The following TTC27 variants were observed in gnomAD, a reference collection of about 807,000 sequenced individuals.
TTC27 encodes tetratricopeptide repeat domain 27.
TTC27 carries 79 observed loss-of-function variants against 115.9 expected under a neutral mutation model. That is an observed-to-expected ratio of 0.68 (90% confidence interval 0.57 to 0.82). TTC27 has a LOEUF of 0.82. TTC27 is among the 40% of genes least tolerant of loss of function. The pLI is 0.00. For synonymous variants in TTC27, 401 were observed against 356.0 expected (o/e 1.13, Z -1.42); for missense variants, 1,054 against 993.1 (o/e 1.06, Z -0.82).
chr2:32,726,144 C>A (rs1668102464), intron 10 of TTC27, among the ~76,000 whole-genome samples: 1 of 152,218 alleles, frequency 6.6e-6, no homozygotes, highest in South Asian at 2.1e-4. Flanking sequence ...GCTGTGAAGA[C>A]CCCTTTCGCC....
At chr2:32,656,639 A>G (rs1389079564) in intron 5 of TTC27, among the ~76,000 whole-genome samples, 1 of 152,146 alleles carries the variant, frequency 6.6e-6, no homozygotes, top group Admixed American at 6.6e-5. Context: ...CTCCGAGGAT[A>G]TTATTTGAGC....
At chr2:32,810,401 G>A (rs1671281475) in intron 16 of TTC27, among the ~76,000 whole-genome samples, 1 of 152,140 alleles carries the variant, frequency 6.6e-6, no homozygotes, top group Non-Finnish European at 1.5e-5. Context: ...ACATTGGGAA[G>A]GTTGAAAATC....
intron 8 of TTC27, among the ~76,000 whole-genome samples, chr2:32,675,517 G>A (rs1222837269): frequency 2.0e-5 from 3 of 151,978 alleles, no homozygotes; most frequent in African/African-American, 7.2e-5. Context: ...TGATTTCACC[G>A]GCAGTTTAAC....
intron 3 of TTC27, 21 bp from the exon 4 acceptor site, chr2:32,640,249 A>G: frequency 1.2e-6 from 2 of 1,602,446 alleles, no homozygotes; most frequent in Non-Finnish European, 1.7e-6. Context: ...ATATCATCTT[A>G]GTTTATAATC....
chr2:32,653,138 T>C (rs748096502), intron 5 of TTC27, among the ~76,000 whole-genome samples: 4 of 152,206 alleles, frequency 2.6e-5, no homozygotes, highest in African/African-American at 7.2e-5. Flanking sequence ...GAAAACATGT[T>C]ATGTATAGTG....
At chr2:32,766,399 C>CT (rs1291386927) in intron 13 of TTC27, 4 of 284,434 alleles carry the variant, frequency 1.4e-5, no homozygotes, top group Non-Finnish European at 2.2e-5. Context: ...GTGACTCTTC[C>CT]TTTTACTTGA....
chr2:32,696,426 A>G (rs1002741003), intron 9 of TTC27, among the ~76,000 whole-genome samples: 2 of 151,468 alleles, frequency 1.3e-5, no homozygotes, highest in African/African-American at 4.9e-5. Context: ...GGTAGCTGGG[A>G]TTCCAGGTGC....
chr2:32,747,592 G>T (rs1329043928), intron 12 of TTC27, among the ~76,000 whole-genome samples: 1 of 152,148 alleles, frequency 6.6e-6, no homozygotes, highest in African/African-American at 2.4e-5. Flanking sequence ...TTGTATGTCA[G>T]ACCATCGTTA....
Position 32,667,662 on chromosome 2 carries a change from C to T in TTC27, c.939+894C>T, listed in dbSNP as rs552817515. On this transcript the variant is annotated intron_variant, in intron 7 of 19. Transcript: ENST00000317907. The stretch of plus-strand genomic sequence containing the variant: ...AACTCGCAACCTCAGGTGATCCACC[C>T]GTCTCGGCCTCCCAAAGTGCTGGGA... Among the ~76,000 whole-genome samples, 349 of 151,222 alleles carry T rather than the reference C, an allele frequency of 2.3e-3. 4 individuals are homozygous for T. The highest frequency in any genetic ancestry group is 2.2e-3 in the Admixed American group (33 of 15,208).
rs112627303 is a variant in TTC27 at position 32,696,997 on chromosome 2, G to A, written c.1120-5810G>A. 9.3e-3 allele frequency among the ~76,000 whole-genome samples: 1,422 copies of A among 152,174 alleles called. 12 individuals carry two copies. Among genetic ancestry groups the A allele is most frequent in the Middle Eastern group, 0.017 (5 of 294 alleles). On this transcript the variant is annotated intron_variant, in intron 9 of 19. Transcript: ENST00000317907. ...GCTCATTGCTTGAGCCCAGGAGTTCGAGACCCGCCTGGGTGAAACCCTGTC... is the reference window on the plus strand; with the variant it reads ...GCTCATTGCTTGAGCCCAGGAGTTCAAGACCCGCCTGGGTGAAACCCTGTC...
chr2:32,777,529 G>A (rs182454212), intron 13 of TTC27, among the ~76,000 whole-genome samples: 64 of 152,306 alleles, frequency 4.2e-4, no homozygotes, highest in African/African-American at 1.5e-3. Context: ...TACATGTTCA[G>A]TAGAGATGCA....
chr2:32,667,642 G>A (rs953849730), intron 7 of TTC27, among the ~76,000 whole-genome samples: 7 of 150,776 alleles, frequency 4.6e-5, no homozygotes, highest in African/African-American at 1.5e-4. Flanking sequence ...TCTCGAACTC[G>A]CAACCTCAGG....
At chr2:32,762,913 T>G (rs1669497141) in intron 13 of TTC27, among the ~76,000 whole-genome samples, 2 of 152,220 alleles carry the variant, frequency 1.3e-5, no homozygotes, top group African/African-American at 2.4e-5. Context: ...GTGCTGGGAT[T>G]ACAGGCGTGA....
At chr2:32,646,110 C>A (rs1282132957) in intron 4 of TTC27, among the ~76,000 whole-genome samples, 2 of 151,586 alleles carry the variant, frequency 1.3e-5, no homozygotes, top group African/African-American at 2.4e-5. Context: ...CTCCCTGCAA[C>A]CTCTGCCTCC....
chr2:32,678,752 C>A, intron 8 of TTC27, 104 bp from the exon 9 acceptor site: 1 of 812,340 alleles, frequency 1.2e-6, no homozygotes, highest in Non-Finnish European at 1.9e-6. Flanking sequence ...TATCTGCTTT[C>A]AAATATATAA....
chr2:32,738,537 T>G (rs1668522061), intron 12 of TTC27, among the ~76,000 whole-genome samples: 1 of 152,208 alleles, frequency 6.6e-6, no homozygotes, highest in Non-Finnish European at 1.5e-5. Context: ...TCCATACCTG[T>G]GCATGTGAAA....
At chr2:32,772,076 G>A (rs994585183) in intron 13 of TTC27, among the ~76,000 whole-genome samples, 4 of 152,186 alleles carry the variant, frequency 2.6e-5, no homozygotes, top group Admixed American at 2.6e-4. Context: ...CATTGCAGAT[G>A]TGTCTTAAAT....
chr2:32,756,640 G>A (rs180714590), intron 12 of TTC27, among the ~76,000 whole-genome samples: 2 of 152,300 alleles, frequency 1.3e-5, no homozygotes, highest in East Asian at 3.9e-4. Flanking sequence ...GTATAGATAT[G>A]CCCAACCTAA....
intron 2 of TTC27, among the ~76,000 whole-genome samples, chr2:32,631,869 G>T (rs1468428167): frequency 6.6e-6 from 1 of 150,982 alleles, no homozygotes; most frequent in Non-Finnish European, 1.5e-5. Context: ...GGAGTGCAGA[G>T]GCGTGATCTC....
Sources: allele counts gnomAD v4.1 joint callset (sites outside exome capture counted in the v4.1 genomes callset), GRCh38; gene constraint gnomAD v4.1.1; transcripts MANE v1.5; gene names NCBI Gene and HGNC (gene_info 2026-07-23, HGNC 2026-07-21).